The following UGT1A8 variants were observed in gnomAD, a reference collection of about 807,000 sequenced individuals.
UGT1A8 encodes the protein UDP-glucuronosyltransferase 1A8.
In UGT1A8, 39 loss-of-function variants were observed where a neutral mutation model predicts 45.3. The observed-to-expected ratio is 0.86, with a 90% CI of 0.67 to 1.12. The LOEUF (loss-of-function observed/expected upper bound fraction) is 1.12. UGT1A8 is among the 50% of genes most tolerant of loss of function. The pLI is 0.00. For synonymous variants in UGT1A8, 275 were observed against 249.2 expected, an observed-to-expected ratio of 1.10 and a Z score of -0.97; for missense variants, 719 against 664.9, an observed-to-expected ratio of 1.08 and a Z score of -0.90.
chr2:233,621,933 A>G (rs1392986459), intron 1 of UGT1A8, among the ~76,000 whole-genome samples: 3 of 151,940 alleles, frequency 2.0e-5, no homozygotes, highest in Non-Finnish European at 4.4e-5. Flanking sequence ...CCCTGTATCC[A>G]TGAGTTCTCA....
Position 233,772,033 on chromosome 2 carries a change from A to C in UGT1A8, c.1296-229A>C, listed in dbSNP as rs33979061. Among the ~76,000 whole-genome samples, 33,182 of 152,170 alleles carry C rather than the reference A, an allele frequency of 0.22. 4,506 individuals carry two copies. Among genetic ancestry groups the C allele is most frequent in the South Asian group, 0.32 (1,549 of 4,822 alleles). On this transcript the variant is annotated intron_variant, in intron 4 of 4. Coordinates refer to ENST00000373450, the MANE Select transcript of UGT1A8 (RefSeq NM_019076.5). ...GAGGCTGAGGCAGGAGGATGGCTTG[A>C]GCCCAGGAGTTGGAGGCTGCAGTTA...
intron 4 of UGT1A8, chr2:233,771,511 A>G (rs1282263981): frequency 1.3e-5 from 2 of 152,328 alleles, no homozygotes; most frequent in Non-Finnish European, 2.9e-5. Context: ...ACTGAATTAC[A>G]AATATATCAT....
chr2:233,705,634 G>A (rs1392542286), intron 1 of UGT1A8, among the ~76,000 whole-genome samples: 1 of 152,192 alleles, frequency 6.6e-6, no homozygotes, highest in Non-Finnish European at 1.5e-5. Context: ...GACAGTTCTA[G>A]GAAGTTGAAG....
At chr2:233,620,997 C>T (rs6431558) in intron 1 of UGT1A8, among the ~76,000 whole-genome samples, 75,061 of 151,838 alleles carry the variant, frequency 0.49, 19,000 homozygotes, top group East Asian at 0.62. Context: ...GGTGTGTTTG[C>T]GTGCAGTGTC....
chr2:233,646,427 C>T (rs896172773), intron 1 of UGT1A8, among the ~76,000 whole-genome samples: 1 of 152,210 alleles, frequency 6.6e-6, no homozygotes, highest in Non-Finnish European at 1.5e-5. Context: ...TTTTCTATCA[C>T]ATTTTCAGGC....
At chr2:233,637,458 G>A in intron 1 of UGT1A8, 2 of 1,505,448 alleles carry the variant, frequency 1.3e-6, no homozygotes, top group South Asian at 1.4e-5. Flanking sequence ...ACTGTGATTT[G>A]ACATTTTCGT....
chr2:233,763,832 A>C (rs1698407491), intron 1 of UGT1A8, among the ~76,000 whole-genome samples: 2 of 152,232 alleles, frequency 1.3e-5, no homozygotes, highest in South Asian at 4.1e-4. Context: ...CTCCCCTGCC[A>C]GGGTAAGATA....
chr2:233,656,140 A>G (rs1253719347), intron 1 of UGT1A8, among the ~76,000 whole-genome samples: 1 of 152,228 alleles, frequency 6.6e-6, no homozygotes, highest in Non-Finnish European at 1.5e-5. Flanking sequence ...ATGAATATTT[A>G]TGAAGGCCAT....
At chr2:233,734,182 A>C (rs1380375014) in intron 1 of UGT1A8, among the ~76,000 whole-genome samples, 2 of 152,146 alleles carry the variant, frequency 1.3e-5, no homozygotes, top group African/African-American at 4.8e-5. Context: ...TAGGCTATTA[A>C]TTATTGCCTC....
Position 233,617,705 on chromosome 2 carries a change from C to T in UGT1A8, c.-3C>T, listed in dbSNP as rs549159424. ...AGCTGCTGGCTCGGGCTGCAGTTCTCTCATGGCTCGCACAGGGTGGACCAG... is the reference window on the plus strand; with the variant it reads ...AGCTGCTGGCTCGGGCTGCAGTTCTTTCATGGCTCGCACAGGGTGGACCAG... On this transcript the variant is annotated 5_prime_UTR_variant, in exon 1 of 5. Transcript: ENST00000373450. 1.9e-6 allele frequency: 3 copies of T among 1,610,964 alleles called. No homozygotes were observed. In the South Asian group the frequency reaches 3.3e-5, roughly 18 times the overall value.
chr2:233,648,327 G>A (rs563241784), intron 1 of UGT1A8: 169 of 507,630 alleles, frequency 3.3e-4, no homozygotes, highest in African/African-American at 2.7e-3. Context: ...CCCTCCTCTC[G>A]GTGGTCTTCG....
rs1002447306 is a variant in UGT1A8, at chr2:233,707,136, C to T, written c.856-59898C>T. On this transcript the variant is annotated intron_variant, in intron 1 of 4. Transcript: ENST00000373450. ...ATACTCTGCATTAGGCTTTCTATCCCGGAGGTCACTGCAGTTTATCAGCAC... is the reference window on the plus strand; with the variant it reads ...ATACTCTGCATTAGGCTTTCTATCCTGGAGGTCACTGCAGTTTATCAGCAC... Among the ~76,000 whole-genome samples the T allele has an allele frequency of 3.3e-5, 5 of 152,108 alleles. No homozygotes were observed. The South Asian group carries it at 6.2e-4, about 19-fold the overall frequency.
At chr2:233,771,027 G>A (rs186703216) in intron 4 of UGT1A8, 2 of 152,078 alleles carry the variant, frequency 1.3e-5, no homozygotes, top group Admixed American at 6.6e-5. Context: ...GAGAGAGTTG[G>A]GGGGGAAGGT....
At chr2:233,681,306 G>A (rs2074517814) in intron 1 of UGT1A8, among the ~76,000 whole-genome samples, 1 of 151,922 alleles carries the variant, frequency 6.6e-6, no homozygotes, top group Non-Finnish European at 1.5e-5. Flanking sequence ...GGCCGAGATG[G>A]GCAGATTGCC....
At chr2:233,679,973 G>T (rs1378862752) in intron 1 of UGT1A8, among the ~76,000 whole-genome samples, 1 of 152,174 alleles carries the variant, frequency 6.6e-6, no homozygotes, top group Non-Finnish European at 1.5e-5. Flanking sequence ...CATAGCTGCA[G>T]CAATGTCTTC....
chr2:233,713,263 G>T, intron 1 of UGT1A8: 1 of 1,614,196 alleles, frequency 6.2e-7, no homozygotes, highest in Non-Finnish European at 8.5e-7. Context: ...GAATTTGATC[G>T]CCTTTTGCTG....
intron 1 of UGT1A8, among the ~76,000 whole-genome samples, chr2:233,647,460 AT>A (rs2073634354): frequency 6.6e-6 from 1 of 152,180 alleles, no homozygotes; most frequent in Admixed American, 6.5e-5. Context: ...AGAAATTGGT[AT>A]TATTTCTTCC....
chr2:233,708,846 T>C (rs1327705614), intron 1 of UGT1A8: 1 of 152,164 alleles, frequency 6.6e-6, no homozygotes, highest in East Asian at 1.9e-4. Context: ...GCAGGGCTTT[T>C]CTTTTTTAAT....
intron 1 of UGT1A8, chr2:233,713,942 C>T (rs2076357751): frequency 6.2e-7 from 1 of 1,610,038 alleles, no homozygotes; most frequent in Non-Finnish European, 8.5e-7. Context: ...GCTTCCATAT[C>T]TACTTATCTT....
Sources: allele counts gnomAD v4.1 joint callset (sites outside exome capture counted in the v4.1 genomes callset), GRCh38; gene constraint gnomAD v4.1.1; transcripts MANE v1.5; gene names NCBI Gene and HGNC (gene_info 2026-07-23, HGNC 2026-07-21).